LGALS9: variants seen among roughly 807,000 people sequenced by gnomAD.
LGALS9 encodes galectin 9.
In LGALS9, 26 loss-of-function variants were observed where a neutral mutation model predicts 35.9. That is an observed-to-expected ratio of 0.72 (90% CI 0.53 to 1.01). The LOEUF (loss-of-function observed/expected upper bound fraction) is 1.01. Among genes scored for constraint, LGALS9 ranks in the 50% least tolerant of loss-of-function variants. The probability of loss-of-function intolerance (pLI) is 0.00; values close to 1 mark genes in which losing one functional copy is unlikely to be tolerated. For missense variants in LGALS9, 347 were observed against 445.8 expected (o/e 0.78, Z 1.99); for synonymous variants, 149 against 172.2 (o/e 0.87, Z 1.06).
rs765664209 is a variant in LGALS9, at chr17:27,640,962, C to T, written c.333+189C>T. On this transcript the variant is annotated intron_variant, in intron 3 of 10. Transcript: ENST00000395473. ...CCTTATGCACCTTCATCTGAATCTACAGGTGCACCTGCTGCTTCTTTTACT... is the reference window on the plus strand; with the variant it reads ...CCTTATGCACCTTCATCTGAATCTATAGGTGCACCTGCTGCTTCTTTTACT... 3.9e-5 allele frequency: 35 copies of T among 888,448 alleles called. No individual in the cohort carries two copies. In the South Asian group the frequency reaches 4.6e-4, roughly 12 times the overall value. 55.0% of individuals were successfully genotyped at this position (888,448 alleles called of 1,614,324 possible).
At chr17:27,645,439 T>A in intron 6 of LGALS9, 90 bp downstream of exon 6, 1 of 1,514,202 alleles carries the variant, frequency 6.6e-7, no homozygotes, top group Non-Finnish European at 9.0e-7. Context: ...GCCTCTCCCA[T>A]TGGGAGTGGG....
intron 8 of LGALS9, 28 bp downstream of exon 8, chr17:27,646,616 G>T (rs1654614091): frequency 6.2e-7 from 1 of 1,612,982 alleles, no homozygotes; most frequent in Non-Finnish European, 8.5e-7. Flanking sequence ...GAGGGCAGAG[G>T]TTCTGTTTGT....
chr17:27,646,268 T>C (rs1904933071), intron 7 of LGALS9, among the ~76,000 whole-genome samples: 1 of 151,976 alleles, frequency 6.6e-6, no homozygotes, highest in African/African-American at 2.4e-5. Context: ...AGGCTTAAGC[T>C]CTTCTCCTGA....
At chr17:27,634,917 TC>T (rs1220946541) in intron 1 of LGALS9, among the ~76,000 whole-genome samples, 7 of 152,104 alleles carry the variant, frequency 4.6e-5, no homozygotes, top group Non-Finnish European at 8.8e-5. Context: ...TCCATAGACT[TC>T]CCCCACCCAC....
chr17:27,649,302 T>C lies in LGALS9; in HGVS notation c.*320T>C, dbSNP rs1381790619. ...AAGCCCCATGCTCAGTCCCCTCCCA[T>C]CCCCCACGCAGCTCCACCCCAGTCC... On this transcript the variant is annotated 3_prime_UTR_variant, in exon 11 of 11. Coordinates refer to ENST00000395473, the MANE Select transcript of LGALS9 (RefSeq NM_009587.3). The C allele has an allele frequency of 1.2e-5, 5 of 417,616 alleles. No homozygotes were observed. Among genetic ancestry groups the C allele is most frequent in the Non-Finnish European group, 2.3e-5 (5 of 222,010 alleles). The allele number at this position is 417,616 out of a possible 1,614,324, so 25.9% of individuals were successfully genotyped here. A position where few individuals can be genotyped will look rare whatever the true frequency, so the allele number is the denominator to read the frequency against.
intron 4 of LGALS9, 34 bp downstream of exon 4, chr17:27,642,382 C>T (rs1904581987): frequency 6.2e-7 from 1 of 1,611,460 alleles, no homozygotes. Flanking sequence ...GTCCCAGGGG[C>T]TGGGATGCAG....
At chr17:27,635,966 G>A (rs1598179422) in intron 1 of LGALS9, among the ~76,000 whole-genome samples, 1 of 152,254 alleles carries the variant, frequency 6.6e-6, no homozygotes, top group Non-Finnish European at 1.5e-5. Context: ...CAGAGACACA[G>A]AGAAGCTGTG....
intron 5 of LGALS9, chr17:27,643,919 C>G (rs1188207623): frequency 2.7e-6 from 1 of 365,628 alleles, no homozygotes; most frequent in Non-Finnish European, 5.0e-6. Flanking sequence ...CAGTTCCCCA[C>G]CCCCTACACC....
intron 4 of LGALS9, among the ~76,000 whole-genome samples, chr17:27,643,294 G>GA (rs1004416648): frequency 1.3e-5 from 2 of 152,100 alleles, no homozygotes; most frequent in African/African-American, 4.8e-5. Context: ...CTCCTTCCCT[G>GA]ACTCTCTCCC....
chr17:27,648,824 A>G lies in LGALS9; in HGVS notation c.922-12A>G. On this transcript the variant is annotated splice_polypyrimidine_tract_variant and intron_variant, in intron 10 of 10. Coordinates refer to ENST00000395473, the MANE Select transcript of LGALS9 (RefSeq NM_009587.3). ...TCCCAAGTGTAGTGCAAACGGCATG[A>G]TCTCTGCACAGGTGTGGATCTTGTG... The G allele has an allele frequency of 6.2e-7, 1 of 1,613,554 alleles. No individual in the cohort carries two copies. The highest frequency in any genetic ancestry group is 8.5e-7 in the Non-Finnish European group (1 of 1,179,782).
chr17:27,648,243 G>A (rs1208380246), intron 10 of LGALS9, among the ~76,000 whole-genome samples: 2 of 152,280 alleles, frequency 1.3e-5, no homozygotes, highest in African/African-American at 4.8e-5. Context: ...AGTGTTTCAA[G>A]CCAGGGAGCA....
chr17:27,647,251 G>A lies in LGALS9; in HGVS notation c.759-19G>A, dbSNP rs1195654994. 2 of 1,613,580 alleles carry A rather than the reference G, an allele frequency of 1.2e-6. No individual in the cohort carries two copies. The highest frequency in any genetic ancestry group is 1.7e-5 in the Admixed American group (1 of 60,018). On this transcript the variant is annotated intron_variant, in intron 9 of 10. Coordinates refer to ENST00000395473, the MANE Select transcript of LGALS9 (RefSeq NM_009587.3). ...TCAGAATTCGGTGGATAAAGGTTCAGGTGGGCTGCCCACCCCAGGTTCCAC... is the reference window on the plus strand; with the variant it reads ...TCAGAATTCGGTGGATAAAGGTTCAAGTGGGCTGCCCACCCCAGGTTCCAC...
chr17:27,640,377 A>G, intron 2 of LGALS9, 195 bp from the exon 3 acceptor site: 4 of 853,714 alleles, frequency 4.7e-6, no homozygotes, highest in Non-Finnish European at 7.2e-6. Context: ...CTGTAAAGGC[A>G]AAATCCAATA....
chr17:27,646,570 G>A lies in LGALS9; in HGVS notation c.651G>A (p.Met217Ile). 1 of 1,612,212 alleles carries A rather than the reference G, an allele frequency of 6.2e-7. No individual in the cohort carries two copies. Among genetic ancestry groups the A allele is most frequent in the Non-Finnish European group, 8.5e-7 (1 of 1,179,894 alleles). ...AGACTCCCGCCATCCCACCTATGAT[G>A]TACCCCCACCCCGCCTATGTAAGTG... is the stretch of plus-strand genomic sequence containing the variant. ...MFSTPAIPPM[M>I]YPHPAYPMPF... is the part of the protein sequence containing the mutation. Residue 217 changes from methionine (M) to isoleucine (I), a missense_variant, in exon 8 of 11, where the codon ATG (methionine) becomes ATA (isoleucine). Met to Ile is a conservative substitution (Grantham distance 10). Coordinates refer to ENST00000395473, the MANE Select transcript of LGALS9 (RefSeq NM_009587.3).
rs1905005757 is a variant in LGALS9 at position 27,647,055 on chromosome 17, T to C, written c.695T>C (p.Leu232Pro). ...AYPMPFITTI[L>P]GGLYPSKSIL... The stretch of plus-strand genomic sequence containing the variant: ...CCGATGCCTTTCATCACCACCATTC[T>C]GGGAGGGCTGTACCCATCCAAGTCC... The change falls in exon 9 of 11, where the codon CTG becomes CCG. Residue 232 changes from leucine (L) to proline (P), a missense_variant. Transcript: ENST00000395473. 6 of 1,613,992 alleles carry C rather than the reference T, an allele frequency of 3.7e-6. No homozygotes were observed. In the Admixed American group the frequency reaches 1.0e-4, roughly 27 times the overall value.
intron 1 of LGALS9, among the ~76,000 whole-genome samples, chr17:27,631,607 G>A (rs1270562820): frequency 6.6e-6 from 1 of 152,144 alleles, no homozygotes; most frequent in Non-Finnish European, 1.5e-5. Context: ...TTCATGTAAA[G>A]AGGAAGCAAG....
intron 5 of LGALS9, among the ~76,000 whole-genome samples, chr17:27,643,901 CA>C (rs1904722565): frequency 6.6e-6 from 1 of 152,170 alleles, no homozygotes; most frequent in South Asian, 2.1e-4. Flanking sequence ...ACCATGACGA[CA>C]GGGGTCCAGT....
In LGALS9 at chr17:27,640,734, C is replaced by T. The variant is rs1904410238; in HGVS notation, c.294C>T (p.Pro98=). The stretch of plus-strand genomic sequence containing the variant: ...ACATGCCTTTCCAGAAGGGGATGCC[C>T]TTTGACCTCTGCTTCCTGGTGCAGA... ...KTHMPFQKGM[P]FDLCFLVQSS... The change falls in exon 3 of 11, where the codon CCC becomes CCT. Residue 98 remains proline, a synonymous_variant. Transcript: ENST00000395473. The T allele has an allele frequency of 6.2e-7, 1 of 1,614,210 alleles. No individual in the cohort carries two copies. Among genetic ancestry groups the T allele is most frequent in the East Asian group, 2.2e-5 (1 of 44,878 alleles).
Position 27,647,382 on chromosome 17 carries a change from G to T in LGALS9, c.871G>T (p.Glu291Ter). The change falls in exon 10 of 11, where the codon GAG becomes TAG. Residue 291 changes from glutamate to a stop codon, truncating the protein, a stop_gained. Coordinates refer to ENST00000395473, the MANE Select transcript of LGALS9 (RefSeq NM_009587.3). LOFTEE classifies it low-confidence loss of function (END_TRUNC). Reference protein sequence around the residue: ...TQIDNSWGSEERSLPRKMPFV... With the variant: ...TQIDNSWGSE ...GATCGACAACTCCTGGGGGTCTGAGGAGCGAAGTCTGCCCCGAAAAATGCC... is the reference window on the plus strand; with the variant it reads ...GATCGACAACTCCTGGGGGTCTGAGTAGCGAAGTCTGCCCCGAAAAATGCC... 6.2e-7 allele frequency: 1 copy of T among 1,614,152 alleles called. No individual in the cohort carries two copies. The highest frequency in any genetic ancestry group is 8.5e-7 in the Non-Finnish European group (1 of 1,180,008).
Sources: gnomAD v4.1 joint callset for allele counts (sites outside exome capture counted in the v4.1 genomes callset) on GRCh38, gnomAD v4.1.1 for gene constraint, MANE v1.5 for transcripts, NCBI Gene and HGNC (gene_info 2026-07-23, HGNC 2026-07-21) for gene names.